Variants in HERC2 observed in about 807,000 individuals in gnomAD.
The protein encoded by HERC2 is E3 ubiquitin-protein ligase HERC2.
HERC2 carries 102 observed loss-of-function variants against 537.7 expected under a neutral mutation model. That is an observed-to-expected ratio of 0.19 (90% CI 0.16 to 0.22). The LOEUF (loss-of-function observed/expected upper bound fraction) is 0.22. Ranked by LOEUF, HERC2 falls within the 10% of genes least tolerant of loss-of-function variation. The pLI is 1.00. For synonymous variants in HERC2, 2,224 were observed against 2,466.2 expected, an observed-to-expected ratio of 0.90 and a Z score of 2.91; for missense variants, 4,236 against 6,198.2, an observed-to-expected ratio of 0.68 and a Z score of 10.63.
At chr15:28,148,107 G>A (rs1451711668) in intron 70 of HERC2, among the ~76,000 whole-genome samples, 2 of 150,564 alleles carry the variant, frequency 1.3e-5, no homozygotes, top group Non-Finnish European at 3.0e-5. Flanking sequence ...AAGCAGGCCA[G>A]AAAGATACAC....
At chr15:28,121,807 C>T (rs1209710619) in intron 85 of HERC2, among the ~76,000 whole-genome samples, 3 of 152,228 alleles carry the variant, frequency 2.0e-5, no homozygotes, top group African/African-American at 7.2e-5. Context: ...GCAAGCCCAC[C>T]CGTGGCAGGG....
chr15:28,280,378 G>C lies in HERC2; in HGVS notation c.323-91C>G, dbSNP rs2141051020. 4 of 1,018,478 alleles carry C rather than the reference G, an allele frequency of 3.9e-6. No homozygotes were observed. The East Asian group carries it at 1.0e-4, about 25-fold the overall frequency. 63.1% of individuals were successfully genotyped at this position (1,018,478 alleles called of 1,614,324 possible). A position where few individuals can be genotyped will look rare whatever the true frequency, so the allele number is the denominator to read the frequency against. On this transcript the variant is annotated intron_variant, in intron 4 of 92. Transcript: ENST00000261609. ...AGAAAATGGATGATGACGACAGGTA[G>C]TACTCGAAGGCATGATATGTGGCAA...
intron 1 of HERC2, among the ~76,000 whole-genome samples, chr15:28,321,859 G>A (rs1596482672): frequency 6.9e-6 from 1 of 145,760 alleles, no homozygotes; most frequent in East Asian, 2.1e-4. Flanking sequence ...GGGCGCGTGC[G>A]TGAAACAAAA....
intron 57 of HERC2, among the ~76,000 whole-genome samples, chr15:28,181,734 T>C (rs1427681325): frequency 6.6e-6 from 1 of 152,248 alleles, no homozygotes; most frequent in African/African-American, 2.4e-5. Flanking sequence ...TTTCAAAATA[T>C]GGTCTTTTTC....
chr15:28,236,894 C>T, intron 26 of HERC2, 69 bp downstream of exon 26: 4 of 1,427,694 alleles, frequency 2.8e-6, no homozygotes, highest in South Asian at 2.3e-5. Context: ...GGCCCTCTCC[C>T]ACTCTTAATG....
rs765057747 is a variant in HERC2 at position 28,132,177 on chromosome 15, TGTC to T, written c.12490_12492del (p.Asp4164del). The T allele has an allele frequency of 3.7e-6, 6 of 1,614,014 alleles. No homozygotes were observed. The highest frequency in any genetic ancestry group is 1.7e-5 in the Admixed American group (1 of 60,026). On this transcript the variant is annotated inframe_deletion, in exon 81 of 93. Coordinates refer to ENST00000261609, the MANE Select transcript of HERC2 (RefSeq NM_004667.6). The stretch of plus-strand genomic sequence containing the variant: ...TCCCCGTCCCCCCAGGACCAGACAG[TGTC>T]GTCATCTGTGAGGCAGAGGGTCTGG...
Position 28,210,960 on chromosome 15 carries a change from C to G in HERC2, c.7069+42G>C, listed in dbSNP as rs1296735498. ...ATTCACTTCCTTTGTCTACTTTCTA[C>G]TGCCCTTCTTATAAAGATTTAAGAA... On this transcript the variant is annotated intron_variant, in intron 44 of 92. Coordinates refer to ENST00000261609, the MANE Select transcript of HERC2 (RefSeq NM_004667.6). 3.0e-5 allele frequency: 28 copies of G among 947,982 alleles called. No individual in the cohort carries two copies. In the East Asian group the frequency reaches 6.6e-4, roughly 22 times the overall value. The allele number at this position is 947,982 out of a possible 1,614,324, so 58.7% of individuals were successfully genotyped here.
At chr15:28,298,840 C>A (rs8039663) in intron 3 of HERC2, among the ~76,000 whole-genome samples, 3 of 151,766 alleles carry the variant, frequency 2.0e-5, no homozygotes, top group Non-Finnish European at 4.4e-5. Flanking sequence ...CAGACTAATG[C>A]TCTCCCAACT....
intron 44 of HERC2, among the ~76,000 whole-genome samples, chr15:28,209,492 T>C (rs372154743): frequency 6.3e-4 from 95 of 151,984 alleles, no homozygotes; most frequent in Non-Finnish European, 7.8e-4. Flanking sequence ...TACAGGCACC[T>C]GCCACCACGC....
At chr15:28,161,199 A>G (rs1217273109) in intron 69 of HERC2, among the ~76,000 whole-genome samples, 2 of 152,254 alleles carry the variant, frequency 1.3e-5, no homozygotes, top group African/African-American at 4.8e-5. Context: ...TCTGACCATC[A>G]GAGCTTTAAC....
At position 28,306,162 on chromosome 15, in the gene HERC2, G is replaced by T. The variant is rs1389462953; in HGVS notation, c.73-6646C>A. Among the ~76,000 whole-genome samples, 5 of 152,316 alleles carry T rather than the reference G, an allele frequency of 3.3e-5. No homozygotes were observed. The South Asian group carries it at 1.0e-3, about 32-fold the overall frequency. ...GTCTTGTTCCAGATCTTAGAGGAAA[G>T]GCTTTCAGTTTTTCACCTTTCAGTA... On this transcript the variant is annotated intron_variant, in intron 2 of 92. Coordinates refer to ENST00000261609, the MANE Select transcript of HERC2 (RefSeq NM_004667.6).
intron 5 of HERC2, among the ~76,000 whole-genome samples, chr15:28,275,416 T>C (rs1596370523): frequency 6.6e-6 from 1 of 152,340 alleles, no homozygotes; most frequent in East Asian, 1.9e-4. Context: ...TCGCCCCAGC[T>C]CCGGCGTCCT....
intron 55 of HERC2, among the ~76,000 whole-genome samples, chr15:28,188,051 G>A (rs1483944234): frequency 6.6e-6 from 1 of 152,014 alleles, no homozygotes; most frequent in Non-Finnish European, 1.5e-5. Flanking sequence ...CCATAGGGAT[G>A]CAAAAGCCAA....
chr15:28,213,656 T>A lies in HERC2; in HGVS notation c.6786+86A>T, dbSNP rs1899522121. Reference sequence around the variant, plus strand: ...GCAAACTTCAAGTACCAGAATCAAGTTCTTTCAAGTGCTGATGCTGGTGCT... The same window carrying A: ...GCAAACTTCAAGTACCAGAATCAAGATCTTTCAAGTGCTGATGCTGGTGCT... On this transcript the variant is annotated intron_variant, in intron 42 of 92. Transcript: ENST00000261609. 12 of 1,595,904 alleles carry A rather than the reference T, an allele frequency of 7.5e-6. No individual in the cohort carries two copies. In the South Asian group the frequency reaches 1.4e-4, roughly 18 times the overall value.
chr15:28,128,605 G>A (rs1052763170), intron 83 of HERC2, among the ~76,000 whole-genome samples: 4 of 152,208 alleles, frequency 2.6e-5, no homozygotes, highest in South Asian at 2.1e-4. Context: ...ATTCACCAAA[G>A]GCTTTAACGA....
At chr15:28,167,617 T>C in intron 68 of HERC2, 70 bp downstream of exon 68, 1 of 1,570,956 alleles carries the variant, frequency 6.4e-7, no homozygotes, top group Non-Finnish European at 8.8e-7. Flanking sequence ...CACTCCTAAG[T>C]TCTATTTCTA....
intron 16 of HERC2, 100 bp downstream of exon 16, chr15:28,260,677 G>A: frequency 1.0e-6 from 1 of 965,752 alleles, no homozygotes; most frequent in African/African-American, 1.6e-5. Context: ...CAGGACACAA[G>A]AACAACAAAC....
intron 44 of HERC2, among the ~76,000 whole-genome samples, chr15:28,206,969 C>A (rs574752833): frequency 5.9e-5 from 9 of 151,390 alleles, no homozygotes; most frequent in Admixed American, 5.9e-4. Context: ...CAATATCACA[C>A]CACCATACTC....
Position 28,192,032 on chromosome 15 carries a change from A to G in HERC2, c.8380T>C (p.Ser2794Pro), listed in dbSNP as rs1241450113. 1 of 1,614,048 alleles carries G rather than the reference A, an allele frequency of 6.2e-7. No homozygotes were observed. The highest frequency in any genetic ancestry group is 1.1e-5 in the South Asian group (1 of 91,070). ...RMVKSLNVSS[S>P]VNQASRLIDG... ...ATGAGACGGGATGCCTGGTTCACGG[A>G]GGACGACACATTCAGGCTCTTCACC... The change falls in exon 53 of 93, where the codon TCC (serine) becomes CCC (proline). Residue 2794 changes from serine (S) to proline (P), a missense_variant. Transcript: ENST00000261609.
Sources: gnomAD v4.1 joint callset for allele counts (sites outside exome capture counted in the v4.1 genomes callset) on GRCh38, gnomAD v4.1.1 for gene constraint, MANE v1.5 for transcripts, NCBI Gene and HGNC (gene_info 2026-07-23, HGNC 2026-07-21) for gene names.